Variants in RPL31 observed in about 807,000 individuals in gnomAD.
The protein encoded by RPL31 is ribosomal protein L31.
For synonymous variants in RPL31, 51 were observed against 55.0 expected, an observed-to-expected ratio of 0.93 and a Z score of 0.32; for missense variants, 95 against 164.0, an observed-to-expected ratio of 0.58 and a Z score of 2.30.
In RPL31 at chr2:101,007,243, T is replaced by G. The variant is rs1315606910; in HGVS notation, c.*862T>G. 6.6e-6 allele frequency: 1 copy of G among 152,326 alleles called. No individual in the cohort carries two copies. Among genetic ancestry groups the G allele is most frequent in the Non-Finnish European group, 1.5e-5 (1 of 68,154 alleles). The allele number at this position is 152,326 out of a possible 1,614,324, so 9.4% of individuals were successfully genotyped here. ...AAGGACCAAGTAAATACAAAAAGTT[T>G]CTTATTAAAAAACTTGGAAGCCAAC... On this transcript the variant is annotated 3_prime_UTR_variant, in exon 5 of 5. Coordinates refer to ENST00000264258, the MANE Select transcript of RPL31 (RefSeq NM_000993.5).
At chr2:101,009,946 C>T (rs1315929078), downstream of RPL31, among the ~76,000 whole-genome samples, 3 of 151,694 alleles carry the variant, frequency 2.0e-5, no homozygotes, top group South Asian at 2.1e-4. Flanking sequence ...CTCAGCCTCC[C>T]GAGTAGCTGG....
At chr2:101,006,311 T>C (rs1226291822) in intron 4 of RPL31, 39 bp from the exon 5 acceptor site, 3 of 1,597,834 alleles carry the variant, frequency 1.9e-6, no homozygotes, top group South Asian at 1.1e-5. Context: ...ATATGAAATG[T>C]GATGTGGGTA....
chr2:101,006,524 C>CTT lies in RPL31; in HGVS notation c.*144_*145dup. 1 of 757,002 alleles carries CTT rather than the reference C, an allele frequency of 1.3e-6. No homozygotes were observed. The highest frequency in any genetic ancestry group is 2.0e-6 in the Non-Finnish European group (1 of 490,466). The allele number at this position is 757,002 out of a possible 1,614,324, so 46.9% of individuals were successfully genotyped here. On this transcript the variant is annotated 3_prime_UTR_variant, in exon 5 of 5. Coordinates refer to ENST00000264258, the MANE Select transcript of RPL31 (RefSeq NM_000993.5). ...TTCCCAAATTGATGGCCTGTGCTGC[C>CTT]TTCTCCCCATCCCCTGGGGTTTTAA...
exon 5 of RPL31, chr2:101,019,052 G>T (rs1333777981): frequency 6.2e-7 from 1 of 1,609,496 alleles, no homozygotes; most frequent in East Asian, 2.2e-5. Context: ...GAGCCCTCCT[G>T]GAAGTGGATG....
At position 101,006,596 on chromosome 2, in the gene RPL31, G is replaced by C. The variant is rs750987589; in HGVS notation, c.*215G>C. On this transcript the variant is annotated 3_prime_UTR_variant, in exon 5 of 5. Transcript: ENST00000264258. ...AGTTTTAGAACCACTGTTCTGGGTA[G>C]TTGGGATACTGAAGGCATATTGTTA... The C allele has an allele frequency of 2.2e-6, 1 of 462,748 alleles. No individual in the cohort carries two copies. Among genetic ancestry groups the C allele is most frequent in the Non-Finnish European group, 3.8e-6 (1 of 265,688 alleles). The allele number at this position is 462,748 out of a possible 1,614,324, so 28.7% of individuals were successfully genotyped here. A position where few individuals can be genotyped will look rare whatever the true frequency, so the allele number is the denominator to read the frequency against.
At chr2:101,014,044 A>G (rs1450982337) in intron 4 of RPL31, among the ~76,000 whole-genome samples, 3 of 152,220 alleles carry the variant, frequency 2.0e-5, no homozygotes, top group Admixed American at 6.5e-5. Flanking sequence ...CTACTGTAAG[A>G]AAAATCACTT....
chr2:101,018,876 G>A, intron 4 of RPL31: 1 of 1,266,068 alleles, frequency 7.9e-7, no homozygotes, highest in Non-Finnish European at 1.1e-6. Context: ...AAGCAAAATG[G>A]CCAATATCCG....
intron 3 of RPL31, chr2:101,005,017 T>A (rs1678667041): frequency 6.6e-6 from 1 of 152,182 alleles, no homozygotes; most frequent in Non-Finnish European, 1.5e-5. Context: ...TATTTAAACC[T>A]TAGGATTAAG....
Position 101,017,912 on chromosome 2 carries a change from G to A in RPL31, c.347-1086G>A, listed in dbSNP as rs112546591. On this transcript the variant is annotated intron_variant, in intron 4 of 4. Coordinates refer to the RPL31 transcript ENST00000409028. ...AGATTGTCACCATCAGTGAGAAACC[G>A]AACAAGAAGAGGAAAGCAAATGGCA... 9.3e-4 allele frequency: 1,446 copies of A among 1,550,744 alleles called. 2 individuals carry two copies. The highest frequency in any genetic ancestry group is 2.2e-3 in the East Asian group (88 of 40,902).
rs1678747248 is a variant in RPL31 at position 101,006,569 on chromosome 2, C to T, written c.*188C>T. ...TTTTAAAGTGATTTCAAACTGCAACCTAGTTTTAGAACCACTGTTCTGGGT... is the reference window on the plus strand; with the variant it reads ...TTTTAAAGTGATTTCAAACTGCAACTTAGTTTTAGAACCACTGTTCTGGGT... On this transcript the variant is annotated 3_prime_UTR_variant, in exon 5 of 5. Coordinates refer to ENST00000264258, the MANE Select transcript of RPL31 (RefSeq NM_000993.5). The T allele has an allele frequency of 1.8e-6, 1 of 544,946 alleles. No homozygotes were observed. Among genetic ancestry groups the T allele is most frequent in the Non-Finnish European group, 3.1e-6 (1 of 318,352 alleles). 33.8% of individuals were successfully genotyped at this position (544,946 alleles called of 1,614,324 possible).
chr2:101,014,544 C>G (rs935036754), intron 4 of RPL31, among the ~76,000 whole-genome samples: 30 of 152,054 alleles, frequency 2.0e-4, no homozygotes, highest in African/African-American at 6.5e-4. Flanking sequence ...CTGTTTTTTC[C>G]CTGAGGGAGG....
intron 4 of RPL31, among the ~76,000 whole-genome samples, chr2:101,013,097 A>AATGG (rs1679354790): frequency 1.3e-5 from 2 of 152,216 alleles, no homozygotes; most frequent in South Asian, 4.1e-4. Flanking sequence ...GAAAGGCAGC[A>AATGG]ATTAATCCAG....
At chr2:101,017,331 C>T (rs1272757977) in intron 4 of RPL31, among the ~76,000 whole-genome samples, 1 of 152,084 alleles carries the variant, frequency 6.6e-6, no homozygotes, top group Non-Finnish European at 1.5e-5. Context: ...ATAGTAATTA[C>T]ATAAACCAAT....
chr2:101,012,678 T>A (rs1384089624), intron 4 of RPL31, among the ~76,000 whole-genome samples: 1 of 151,408 alleles, frequency 6.6e-6, no homozygotes, highest in African/African-American at 2.4e-5. Flanking sequence ...ACTTGCATGG[T>A]GCGTGAAATA....
intron 4 of RPL31, among the ~76,000 whole-genome samples, chr2:101,017,085 A>T (rs1396828999): frequency 9.9e-6 from 1 of 100,902 alleles, no homozygotes; most frequent in Non-Finnish European, 2.5e-5. Flanking sequence ...AAAAAAAAAA[A>T]AAAAAGACAA....
At chr2:101,015,113 G>T (rs1238628682) in intron 4 of RPL31, among the ~76,000 whole-genome samples, 2 of 152,170 alleles carry the variant, frequency 1.3e-5, no homozygotes, top group Non-Finnish European at 2.9e-5. Context: ...TATAAAGTCT[G>T]TTGTTCCTAG....
chr2:101,003,960 G>A (rs1467610844), intron 2 of RPL31, among the ~76,000 whole-genome samples, 198 bp from the exon 3 acceptor site: 1 of 152,152 alleles, frequency 6.6e-6, no homozygotes, highest in African/African-American at 2.4e-5. Context: ...GGTTTTAGGA[G>A]GACATACCAT....
At chr2:101,002,553 G>A in intron 1 of RPL31, 149 bp from the exon 2 acceptor site, 1 of 654,964 alleles carries the variant, frequency 1.5e-6, no homozygotes. Flanking sequence ...GCAGGGGCGC[G>A]GGTGCGTGGG....
At chr2:101,007,995 G>A (rs762378860), downstream of RPL31, 2 of 1,613,908 alleles carry the variant, frequency 1.2e-6, no homozygotes, top group East Asian at 2.2e-5. Context: ...GTTCAAGGGA[G>A]ACAGTCCAGT....
Sources: allele counts gnomAD v4.1 joint callset (sites outside exome capture counted in the v4.1 genomes callset), GRCh38; gene constraint gnomAD v4.1.1; transcripts MANE v1.5; gene names NCBI Gene and HGNC (gene_info 2026-07-23, HGNC 2026-07-21).